The following ZFAND6 variants were observed in gnomAD, a reference collection of about 807,000 sequenced individuals.
ZFAND6 encodes the protein AN1-type zinc finger protein 6.
In ZFAND6, 12 loss-of-function variants were observed where a neutral mutation model predicts 24.5. That is an observed-to-expected ratio of 0.49 (90% confidence interval 0.31 to 0.79). The LOEUF is 0.79. Ranked by LOEUF, ZFAND6 falls within the 30% of genes least tolerant of loss-of-function variation. ZFAND6 has a pLI of 0.04. For synonymous variants in ZFAND6, 92 were observed against 81.5 expected, an observed-to-expected ratio of 1.13 and a Z score of -0.69; for missense variants, 207 against 245.9, an observed-to-expected ratio of 0.84 and a Z score of 1.06.
chr15:80,125,737 T>G (rs2040345001), intron 5 of ZFAND6, among the ~76,000 whole-genome samples: 1 of 152,216 alleles, frequency 6.6e-6, no homozygotes, highest in Admixed American at 6.5e-5. Context: ...AGAATATGCT[T>G]AAATTTGGTC....
intron 2 of ZFAND6, among the ~76,000 whole-genome samples, chr15:80,116,284 C>G (rs2039874740): frequency 6.6e-6 from 1 of 152,064 alleles, no homozygotes; most frequent in African/African-American, 2.4e-5. Flanking sequence ...TGAGAGTGCA[C>G]GTTTTATAAG....
At chr15:80,131,135 A>G (rs769989277) in intron 5 of ZFAND6, 45 bp from the exon 6 acceptor site, 1 of 1,470,992 alleles carries the variant, frequency 6.8e-7, no homozygotes. Context: ...GAATAGCAAA[A>G]TCTTACAGAA....
chr15:80,101,045 A>G (rs539565772), intron 2 of ZFAND6, among the ~76,000 whole-genome samples: 1 of 152,382 alleles, frequency 6.6e-6, no homozygotes, highest in African/African-American at 2.4e-5. Flanking sequence ...AATACTAGGT[A>G]GCATATTATA....
chr15:80,118,529 T>C lies in ZFAND6; in HGVS notation c.-17-1799T>C, dbSNP rs183229629. Among the ~76,000 whole-genome samples, 13 of 152,286 alleles carry C rather than the reference T, an allele frequency of 8.5e-5. No homozygotes were observed. The East Asian group carries it at 2.1e-3, about 25-fold the overall frequency. On this transcript the variant is annotated intron_variant, in intron 2 of 6. Transcript: ENST00000261749. ...ATATTTGACATTAGCATTTCTATAC[T>C]GTGCTTGTTATTTTTTAATGTGATA...
chr15:80,121,012 A>G (rs545215534), intron 3 of ZFAND6, among the ~76,000 whole-genome samples: 72 of 152,304 alleles, frequency 4.7e-4, no homozygotes, highest in African/African-American at 1.6e-3. Flanking sequence ...TATTCTTGGA[A>G]TTGAGGTGGT....
intron 5 of ZFAND6, among the ~76,000 whole-genome samples, chr15:80,124,419 C>T (rs1469396499): frequency 5.4e-5 from 8 of 149,230 alleles, no homozygotes; most frequent in Admixed American, 3.3e-4. Flanking sequence ...GGCAACAGAG[C>T]GAGACTCCGT....
In ZFAND6 at chr15:80,086,027, T is replaced by A. The variant is rs535469086; in HGVS notation, c.-180-12389T>A. Among the ~76,000 whole-genome samples the A allele has an allele frequency of 2.6e-5, 4 of 151,738 alleles. 1 individual carries two copies. The highest frequency in any genetic ancestry group is 2.0e-4 in the Admixed American group (3 of 15,178). On this transcript the variant is annotated intron_variant, in intron 1 of 6. Transcript: ENST00000261749. ...ATTGGCAATTCATTGGTGAAAAAAATTTTATTTTATTTATTTATTTGTTTT... is the reference window on the plus strand; with the variant it reads ...ATTGGCAATTCATTGGTGAAAAAAAATTTATTTTATTTATTTATTTGTTTT...
At chr15:80,069,661 C>G (rs1464201741) in intron 1 of ZFAND6, among the ~76,000 whole-genome samples, 2 of 151,924 alleles carry the variant, frequency 1.3e-5, no homozygotes, top group Non-Finnish European at 2.9e-5. Context: ...GAGACAGAGT[C>G]TTACTCTATA....
intron 6 of ZFAND6, among the ~76,000 whole-genome samples, chr15:80,136,116 C>G (rs2040850533): frequency 1.4e-5 from 2 of 147,750 alleles, no homozygotes; most frequent in African/African-American, 4.9e-5. Flanking sequence ...ACAGTGAGAC[C>G]CTGTGTCAAA....
chr15:80,085,365 G>T (rs2037928963), intron 1 of ZFAND6, among the ~76,000 whole-genome samples: 1 of 152,166 alleles, frequency 6.6e-6, no homozygotes, highest in South Asian at 2.1e-4. Flanking sequence ...CTGGCACATA[G>T]GAAATGCTTA....
At chr15:80,086,138 G>A (rs918028331) in intron 1 of ZFAND6, among the ~76,000 whole-genome samples, 4 of 152,084 alleles carry the variant, frequency 2.6e-5, no homozygotes, top group Non-Finnish European at 4.4e-5. Context: ...TGCCGGGTTC[G>A]AGTGATTCTC....
chr15:80,138,128 C>A lies in ZFAND6; in HGVS notation c.*500C>A, dbSNP rs909637282. On this transcript the variant is annotated 3_prime_UTR_variant, in exon 7 of 7. Transcript: ENST00000261749. ...TTATTCATATGTTAGCATATAGTTT[C>A]TTTGCACCCACTATTTATGTCTGAA... is the stretch of plus-strand genomic sequence containing the variant. The A allele has an allele frequency of 6.5e-6, 1 of 152,754 alleles. No individual in the cohort carries two copies. Among genetic ancestry groups the A allele is most frequent in the Non-Finnish European group, 1.5e-5 (1 of 68,134 alleles). 9.5% of individuals were successfully genotyped at this position (152,754 alleles called of 1,614,324 possible).
intron 2 of ZFAND6, among the ~76,000 whole-genome samples, chr15:80,108,709 A>G (rs1415325790): frequency 6.6e-6 from 1 of 151,378 alleles, no homozygotes; most frequent in Non-Finnish European, 1.5e-5. Context: ...AGCTTGGAGC[A>G]TGAGGCCAGG....
chr15:80,091,849 A>T (rs1448521981), intron 1 of ZFAND6, among the ~76,000 whole-genome samples: 1 of 152,140 alleles, frequency 6.6e-6, no homozygotes, highest in Non-Finnish European at 1.5e-5. Context: ...CGTATTGCCC[A>T]GGCTGGTCTT....
At chr15:80,134,178 C>T (rs1180194051) in intron 6 of ZFAND6, among the ~76,000 whole-genome samples, 5 of 151,976 alleles carry the variant, frequency 3.3e-5, no homozygotes, top group African/African-American at 4.8e-5. Context: ...TTAGTAGAGA[C>T]GGGGTTTCGC....
intron 1 of ZFAND6, among the ~76,000 whole-genome samples, chr15:80,078,492 T>C (rs1006270737): frequency 6.6e-6 from 1 of 152,240 alleles, no homozygotes. Flanking sequence ...ATGTCTTTGC[T>C]CTTGTGAATA....
At chr15:80,085,650 G>C (rs1479330111) in intron 1 of ZFAND6, among the ~76,000 whole-genome samples, 1 of 152,086 alleles carries the variant, frequency 6.6e-6, no homozygotes, top group African/African-American at 2.4e-5. Context: ...TATTTTTCTA[G>C]CCTTTTTTCT....
At chr15:80,073,622 T>A (rs558121215) in intron 1 of ZFAND6, among the ~76,000 whole-genome samples, 32 of 152,038 alleles carry the variant, frequency 2.1e-4, no homozygotes, top group Middle Eastern at 3.4e-3. Context: ...TAAACAATAG[T>A]GTAATAATAA....
intron 2 of ZFAND6, among the ~76,000 whole-genome samples, chr15:80,118,145 A>G (rs8037703): frequency 0.77 from 117,197 of 151,822 alleles, 45,853 homozygotes; most frequent in Non-Finnish European, 0.8. Flanking sequence ...TTTTTGAGAC[A>G]GAGTCTTGCT....
Sources: gnomAD v4.1 joint callset for allele counts (sites outside exome capture counted in the v4.1 genomes callset) on GRCh38, gnomAD v4.1.1 for gene constraint, MANE v1.5 for transcripts, NCBI Gene and HGNC (gene_info 2026-07-23, HGNC 2026-07-21) for gene names.